Variants in MICALL1 observed in about 807,000 individuals in gnomAD.
MICALL1 encodes MICAL-like protein 1.
MICALL1 carries 61 observed loss-of-function variants against 83.7 expected under a neutral mutation model. That is an observed-to-expected ratio of 0.73 (90% CI 0.59 to 0.90). The LOEUF (loss-of-function observed/expected upper bound fraction) is 0.90. Among genes scored for constraint, MICALL1 ranks in the 40% least tolerant of loss-of-function variants. The probability of loss-of-function intolerance (pLI) is 0.00; values close to 1 mark genes in which losing one functional copy is unlikely to be tolerated. For synonymous variants in MICALL1, 481 were observed against 473.6 expected (o/e 1.02, Z -0.20); for missense variants, 1,066 against 1,152.0 (o/e 0.93, Z 1.08).
intron 3 of MICALL1, 115 bp from the exon 4 acceptor site, chr22:37,917,592 T>C: frequency 1.1e-6 from 1 of 888,888 alleles, no homozygotes; most frequent in Non-Finnish European, 1.8e-6. Context: ...CCCACTGCAT[T>C]AGGTGGTCTG....
chr22:37,923,561 C>T (rs988231235), intron 6 of MICALL1, among the ~76,000 whole-genome samples: 6 of 152,178 alleles, frequency 3.9e-5, no homozygotes, highest in Non-Finnish European at 7.3e-5. Context: ...CCCCAAATGC[C>T]GAGTTCCTGC....
chr22:37,928,099 GT>G (rs1480725138), intron 9 of MICALL1, among the ~76,000 whole-genome samples: 3 of 152,234 alleles, frequency 2.0e-5, no homozygotes, highest in Non-Finnish European at 4.4e-5. Context: ...GTAGAGTGGG[GT>G]TTTCACCCCG....
chr22:37,927,870 T>C (rs1310951521), intron 9 of MICALL1, 44 bp downstream of exon 9: 1 of 1,537,828 alleles, frequency 6.5e-7, no homozygotes, highest in South Asian at 1.2e-5. Flanking sequence ...TCCTCTCTAG[T>C]GGATGCGGGT....
chr22:37,940,794 T>G lies in MICALL1; in HGVS notation c.2556T>G (p.Arg852=), dbSNP rs1930394898. The G allele has an allele frequency of 6.2e-7, 1 of 1,613,956 alleles. No individual in the cohort carries two copies. Among genetic ancestry groups the G allele is most frequent in the Non-Finnish European group, 8.5e-7 (1 of 1,179,986 alleles). Residue 852 remains arginine, a synonymous_variant, in exon 16 of 16, where the codon CGT becomes CGG. Coordinates refer to ENST00000215957, the MANE Select transcript of MICALL1 (RefSeq NM_033386.4). Reference sequence around the variant, plus strand: ...TGTTGAAACTGCTAGGAAACAAACGTGATGCCAAGAGCAAGTCCCCCAGAG... The same window carrying G: ...TGTTGAAACTGCTAGGAAACAAACGGGATGCCAAGAGCAAGTCCCCCAGAG... The part of the protein sequence containing the change: ...MKMLKLLGNK[R]DAKSKSPRDK...
At chr22:37,936,296 CT>C (rs1490893632) in intron 13 of MICALL1, among the ~76,000 whole-genome samples, 3 of 152,204 alleles carry the variant, frequency 2.0e-5, no homozygotes, top group Non-Finnish European at 4.4e-5. Context: ...CCTCCACAGC[CT>C]TGGATAAATG....
At chr22:37,918,235 G>A (rs950791436) in intron 4 of MICALL1, among the ~76,000 whole-genome samples, 1 of 152,190 alleles carries the variant, frequency 6.6e-6, no homozygotes, top group Admixed American at 6.5e-5. Flanking sequence ...TCAGCATTAT[G>A]GGCCCTGGTA....
intron 1 of MICALL1, among the ~76,000 whole-genome samples, chr22:37,909,613 C>T (rs1928190371): frequency 6.6e-6 from 1 of 152,188 alleles, no homozygotes. Context: ...CTGCCTTGGC[C>T]TCCCAAAGTG....
intron 9 of MICALL1, among the ~76,000 whole-genome samples, chr22:37,929,462 C>T (rs1274591599): frequency 1.3e-5 from 2 of 152,182 alleles, no homozygotes; most frequent in Non-Finnish European, 2.9e-5. Flanking sequence ...GGACCCAGGA[C>T]ACACAGCTTT....
In MICALL1 at chr22:37,919,048, T is replaced by G. The variant is rs749449304; in HGVS notation, c.439T>G (p.Ser147Ala). ...PEDVAQGEEL[S>A]SGSLSEQGTG... ...TCGTTCTCTGCAGGGCGAGGAGCTC[T>G]CCTCAGGCAGCCTGTCAGAGCAGGG... Residue 147 changes from serine to alanine, a missense_variant, in exon 5 of 16, where the codon TCC (serine) becomes GCC (alanine). By Grantham distance (99) the Ser-to-Ala change is moderately conservative (BLOSUM62 1). Coordinates refer to ENST00000215957, the MANE Select transcript of MICALL1 (RefSeq NM_033386.4). The G allele has an allele frequency of 8.6e-5, 134 of 1,551,046 alleles. No homozygotes were observed. The highest frequency in any genetic ancestry group is 1.1e-4 in the Non-Finnish European group (127 of 1,146,940).
chr22:37,917,707 C>A lies in MICALL1; in HGVS notation c.338C>A (p.Ala113Asp). ...GGACCCCTTTCTCATCTCTTGGCAG[C>A]TGGTGTCTCGCCACCCAGAAAGGGC... ...YYNHFCSPGQ[A>D]GVSPPRKGLA... The change falls in exon 4 of 16, where the codon GCT becomes GAT. Residue 113 changes from alanine (A) to aspartate (D), a missense_variant and splice_region_variant. Ala to Asp is a moderately radical substitution (Grantham distance 126). Coordinates refer to ENST00000215957, the MANE Select transcript of MICALL1 (RefSeq NM_033386.4). The A allele has an allele frequency of 6.2e-7, 1 of 1,613,610 alleles. No homozygotes were observed. The highest frequency in any genetic ancestry group is 8.5e-7 in the Non-Finnish European group (1 of 1,179,706).
At chr22:37,917,307 C>A (rs1928739855) in intron 3 of MICALL1, among the ~76,000 whole-genome samples, 1 of 152,186 alleles carries the variant, frequency 6.6e-6, no homozygotes, top group Non-Finnish European at 1.5e-5. Flanking sequence ...GGAGGCAGCG[C>A]CTTTCCTGAG....
intron 15 of MICALL1, among the ~76,000 whole-genome samples, chr22:37,940,202 G>A (rs1394861587): frequency 6.6e-6 from 1 of 152,016 alleles, no homozygotes; most frequent in African/African-American, 2.4e-5. Context: ...AGGCGGGGGG[G>A]ATCACGAGGT....
At chr22:37,937,643 C>T (rs1003609973) in intron 14 of MICALL1, 103 bp from the exon 15 acceptor site, 21 of 1,196,894 alleles carry the variant, frequency 1.8e-5, no homozygotes, top group Non-Finnish European at 2.3e-5. Context: ...AGGCTGATCT[C>T]GAACTCCTGA....
intron 1 of MICALL1, among the ~76,000 whole-genome samples, chr22:37,910,635 C>T (rs942888039): frequency 2.0e-5 from 3 of 152,166 alleles, no homozygotes; most frequent in Admixed American, 6.5e-5. Context: ...TGCCTCTCCC[C>T]GTCCACCCAG....
intron 13 of MICALL1, among the ~76,000 whole-genome samples, chr22:37,934,296 G>A (rs1192767895): frequency 1.3e-5 from 2 of 152,192 alleles, no homozygotes; most frequent in Non-Finnish European, 2.9e-5. Context: ...CAGGCTGCCA[G>A]GTTCAAATAC....
At position 37,911,986 on chromosome 22, in the gene MICALL1, G is replaced by C; in HGVS notation, c.181G>C (p.Glu61Gln). 2 of 1,614,080 alleles carry C rather than the reference G, an allele frequency of 1.2e-6. No individual in the cohort carries two copies. Among genetic ancestry groups the C allele is most frequent in the Non-Finnish European group, 1.7e-6 (2 of 1,180,028 alleles). ...TTCGCTTTCCAAGGACAATGTCTTC[G>C]AGAATAACCGTTTGGTAAGTTCCCG... ...FDSLSKDNVF[E>Q]NNRLAFEVAE... Residue 61 changes from glutamate to glutamine, a missense_variant, in exon 2 of 16, where the codon GAG (glutamate) becomes CAG (glutamine). Physicochemically the swap from Glu to Gln is conservative, Grantham distance 29 (BLOSUM62 2). Coordinates refer to ENST00000215957, the MANE Select transcript of MICALL1 (RefSeq NM_033386.4).
At chr22:37,922,548 G>A (rs1043775710) in intron 6 of MICALL1, 122 bp downstream of exon 6, 2 of 508,068 alleles carry the variant, frequency 3.9e-6, no homozygotes, top group Admixed American at 8.1e-5. Context: ...GCTGTGCTGT[G>A]TTGGGGCCTG....
chr22:37,935,610 TG>T (rs892540512), intron 13 of MICALL1, among the ~76,000 whole-genome samples: 3 of 151,658 alleles, frequency 2.0e-5, no homozygotes, highest in African/African-American at 7.3e-5. Context: ...TGAAGTGCAA[TG>T]GCGTGAACTC....
chr22:37,921,847 A>C, intron 5 of MICALL1, 125 bp from the exon 6 acceptor site: 3 of 815,140 alleles, frequency 3.7e-6, no homozygotes, highest in Non-Finnish European at 5.7e-6. Context: ...TAGGGTATGG[A>C]GTCGAGCTTG....
Sources: allele counts gnomAD v4.1 joint callset (sites outside exome capture counted in the v4.1 genomes callset), GRCh38; gene constraint gnomAD v4.1.1; transcripts MANE v1.5; gene names NCBI Gene and HGNC (gene_info 2026-07-23, HGNC 2026-07-21).